Variants in RFX6 observed in about 807,000 individuals in gnomAD.
RFX6 encodes the protein DNA-binding protein RFX6.
In RFX6, 50 loss-of-function variants were observed where a neutral mutation model predicts 110.8. That is an observed-to-expected ratio of 0.45 (90% CI 0.36 to 0.57). The LOEUF (loss-of-function observed/expected upper bound fraction) is 0.57. Ranked by LOEUF, RFX6 falls within the 20% of genes least tolerant of loss-of-function variation. The pLI, the probability that RFX6 is intolerant of heterozygous loss-of-function variation, is 0.00. For missense variants in RFX6, 990 were observed against 1,127.0 expected, an observed-to-expected ratio of 0.88 and a Z score of 1.74; for synonymous variants, 383 against 411.2, an observed-to-expected ratio of 0.93 and a Z score of 0.83.
chr6:116,905,535 C>T (rs1775181303), intron 6 of RFX6, among the ~76,000 whole-genome samples: 1 of 151,172 alleles, frequency 6.6e-6, no homozygotes, highest in Non-Finnish European at 1.5e-5. Context: ...ATATGCATAA[C>T]TTTTATGAAC....
chr6:116,908,096 T>C (rs547878851), intron 6 of RFX6, among the ~76,000 whole-genome samples: 14 of 152,086 alleles, frequency 9.2e-5, no homozygotes, highest in South Asian at 6.2e-4. Flanking sequence ...ATTGGAGAGA[T>C]TGATTCATTT....
At chr6:116,885,662 G>A (rs532738595) in intron 4 of RFX6, among the ~76,000 whole-genome samples, 19 of 151,974 alleles carry the variant, frequency 1.3e-4, no homozygotes, top group Admixed American at 2.0e-4. Context: ...AATATCAATC[G>A]TATCAACAAA....
At chr6:116,909,735 C>CTTTTT (rs59264999) in intron 6 of RFX6, among the ~76,000 whole-genome samples, 22 of 67,380 alleles carry the variant, frequency 3.3e-4, no homozygotes, top group African/African-American at 7.9e-4. Flanking sequence ...TCATTTAAAT[C>CTTTTT]TTTTTTTTTT....
intron 6 of RFX6, among the ~76,000 whole-genome samples, chr6:116,908,158 C>T (rs1280477995): frequency 6.6e-6 from 1 of 152,100 alleles, no homozygotes; most frequent in Non-Finnish European, 1.5e-5. Flanking sequence ...CCATTACCCA[C>T]TACACTTTCT....
intron 15 of RFX6, 133 bp from the exon 16 acceptor site, chr6:116,925,320 T>G (rs976242724): frequency 2.4e-6 from 2 of 837,294 alleles, no homozygotes; most frequent in Non-Finnish European, 4.1e-6. Flanking sequence ...TCACTTCCCA[T>G]GGGAAACATT....
intron 4 of RFX6, among the ~76,000 whole-genome samples, chr6:116,886,704 T>C (rs1270219670): frequency 6.6e-6 from 1 of 152,056 alleles, no homozygotes; most frequent in Non-Finnish European, 1.5e-5. Flanking sequence ...TTTGACTGTA[T>C]AAAATGAGCC....
rs1478549070 is a variant in RFX6, at chr6:116,877,453, G to A, written c.178G>A (p.Gly60Arg). 6.3e-7 allele frequency: 1 copy of A among 1,576,070 alleles called. No individual in the cohort carries two copies. Among genetic ancestry groups the A allele is most frequent in the Admixed American group, 1.8e-5 (1 of 54,746 alleles). ...GCAGCCCGGGGGCGAGCAGGGCGGCGGGGAGAAAGGCGAAGACCCGGAGCT... is the reference window on the plus strand; with the variant it reads ...GCAGCCCGGGGGCGAGCAGGGCGGCAGGGAGAAAGGCGAAGACCCGGAGCT... ...EGQPGGEQGG[G>R]EKGEDPELPG... The change falls in exon 1 of 19, where the codon GGG (glycine) becomes AGG (arginine). Residue 60 changes from glycine (G) to arginine (R), a missense_variant. This residue lies in a region of RFX6 where 175 missense variants were observed against 162.3 expected (regional missense o/e 1.08). Transcript: ENST00000332958.
At chr6:116,901,517 TTATAGCAAAGTA>T (rs1775074371) in intron 6 of RFX6, among the ~76,000 whole-genome samples, 2 of 152,146 alleles carry the variant, frequency 1.3e-5, no homozygotes, top group Non-Finnish European at 2.9e-5. Flanking sequence ...CCCAACAGAA[TTATAGCAAAGTA>T]TATGAAGAGG....
At chr6:116,911,066 A>G (rs751033788) in intron 7 of RFX6, 24 bp downstream of exon 7, 2 of 1,468,714 alleles carry the variant, frequency 1.4e-6, no homozygotes, top group Non-Finnish European at 1.9e-6. Context: ...ATACTTCTCT[A>G]TTGATTTTCT....
At position 116,921,911 on chromosome 6, in the gene RFX6, A is replaced by T. The variant is rs115159609; in HGVS notation, c.1328-131A>T. The T allele has an allele frequency of 1.1e-3, 680 of 642,480 alleles. 2 individuals are homozygous for T. In the African/African-American group the frequency reaches 0.011, roughly 10 times the overall value. 39.8% of individuals were successfully genotyped at this position (642,480 alleles called of 1,614,324 possible). ...AAGATATGATATTAATTCTTTTCAC[A>T]CATTTATCTGTCTTTCCCTTTCATG... On this transcript the variant is annotated intron_variant, in intron 12 of 18. Coordinates refer to ENST00000332958, the MANE Select transcript of RFX6 (RefSeq NM_173560.4).
chr6:116,885,285 G>A (rs1270383068), intron 4 of RFX6, among the ~76,000 whole-genome samples: 2 of 152,138 alleles, frequency 1.3e-5, no homozygotes, highest in African/African-American at 4.8e-5. Context: ...TAGGATTGTT[G>A]TGAGAGTTAA....
At position 116,925,584 on chromosome 6, in the gene RFX6, T is replaced by C. The variant is rs771060642; in HGVS notation, c.1810T>C (p.Ser604Pro). Residue 604 changes from serine to proline, a missense_variant, in exon 16 of 19, where the codon TCC becomes CCC. Around this residue, in one of 5 missense-constraint regions of RFX6, gnomAD observed 438 missense variants for 441.9 expected, o/e 0.99. Coordinates refer to ENST00000332958, the MANE Select transcript of RFX6 (RefSeq NM_173560.4). ...GGAGACAACCTATCTCCCTCTGCCA[T>C]CCAGTCAACCTGGAGGCCTAGGCCC... is the stretch of plus-strand genomic sequence containing the variant. ...HVETTYLPLPSSQPGGLGPAL... is the reference protein window; with the variant it reads ...HVETTYLPLPPSQPGGLGPAL... The C allele has an allele frequency of 1.9e-6, 3 of 1,613,808 alleles. No homozygotes were observed. The highest frequency in any genetic ancestry group is 2.7e-5 in the African/African-American group (2 of 74,920).
intron 16 of RFX6, 36 bp downstream of exon 16, chr6:116,925,695 C>G (rs1302225149): frequency 1.1e-5 from 16 of 1,429,256 alleles, no homozygotes; most frequent in Middle Eastern, 2.0e-4. Flanking sequence ...TCCAGCACAT[C>G]TCAGAGAAGC....
chr6:116,913,840 CAT>C (rs897537806), intron 7 of RFX6, among the ~76,000 whole-genome samples: 21 of 152,242 alleles, frequency 1.4e-4, no homozygotes, highest in Non-Finnish European at 2.5e-4. Context: ...TTTGGGGGCA[CAT>C]GTGATAATAT....
At chr6:116,890,972 T>C (rs778161616) in intron 4 of RFX6, among the ~76,000 whole-genome samples, 12 of 152,100 alleles carry the variant, frequency 7.9e-5, no homozygotes, top group Non-Finnish European at 1.6e-4. Context: ...TTAAAAGTCG[T>C]AAGAAAAAAG....
At chr6:116,881,147 G>A (rs1774581635) in intron 3 of RFX6, among the ~76,000 whole-genome samples, 1 of 151,994 alleles carries the variant, frequency 6.6e-6, no homozygotes, top group African/African-American at 2.4e-5. Context: ...ATGATGGGAT[G>A]GGTTAGAATT....
At chr6:116,917,292 T>G (rs548752535) in intron 9 of RFX6, among the ~76,000 whole-genome samples, 1 of 151,618 alleles carries the variant, frequency 6.6e-6, no homozygotes, top group Admixed American at 6.6e-5. Flanking sequence ...TGCCTTTAGT[T>G]CAAGTTCAAG....
At chr6:116,883,143 C>G (rs886261018) in intron 4 of RFX6, among the ~76,000 whole-genome samples, 2 of 152,098 alleles carry the variant, frequency 1.3e-5, no homozygotes, top group African/African-American at 2.4e-5. Context: ...TAGTATTTCC[C>G]CCTTTGAGCT....
chr6:116,909,570 A>T (rs925987358), intron 6 of RFX6, among the ~76,000 whole-genome samples: 14 of 151,422 alleles, frequency 9.2e-5, no homozygotes, highest in African/African-American at 2.9e-4. Flanking sequence ...AATAGAGTGG[A>T]TTGGGATTAA....
Sources: gnomAD v4.1 joint callset for allele counts (sites outside exome capture counted in the v4.1 genomes callset) on GRCh38, gnomAD v4.1.1 for gene constraint, gnomAD v4.1.1 regional missense constraint, MANE v1.5 for transcripts, NCBI Gene and HGNC (gene_info 2026-07-23, HGNC 2026-07-21) for gene names.